Variants in MISP observed in about 807,000 individuals in gnomAD.
The protein encoded by MISP is mitotic spindle positioning, also known as mitotic interactor and substrate of PLK1.
Under a neutral mutation model 49.3 loss-of-function variants are expected in MISP, and 51 were observed. That is an observed-to-expected ratio of 1.03 (90% CI 0.83 to 1.31). The LOEUF (loss-of-function observed/expected upper bound fraction) is 1.31, where lower values mean the gene tolerates loss of function less well. MISP is among the 50% of genes most tolerant of loss of function. The pLI is 0.00. For missense variants in MISP, 1,084 were observed against 935.1 expected (o/e 1.16, Z -2.08); for synonymous variants, 444 against 392.6 (o/e 1.13, Z -1.55).
Position 758,136 on chromosome 19 carries a change from C to G in MISP, c.1190C>G (p.Ser397Cys), listed in dbSNP as rs756793190. ...CTCCGGAGAGCCCTCAGCTCAGATT[C>G]CATCCTCAGCCCGGCCCCAGATGCC... ...PGLRRALSSD[S>C]ILSPAPDARA... The change falls in exon 2 of 5, where the codon TCC becomes TGC. Residue 397 changes from serine (S) to cysteine (C), a missense_variant. By Grantham distance (112) the Ser-to-Cys change is moderately radical. Coordinates refer to ENST00000215582, the MANE Select transcript of MISP (RefSeq NM_173481.4). 25 of 1,610,870 alleles carry G rather than the reference C, an allele frequency of 1.6e-5. No individual in the cohort carries two copies. Among genetic ancestry groups the G allele is most frequent in the Middle Eastern group, 1.6e-4 (1 of 6,082 alleles).
At chr19:748,466 C>T (rs1173065887), upstream of MISP, 1 of 152,386 alleles carries the variant, frequency 6.6e-6, no homozygotes, top group East Asian at 1.9e-4. Context: ...TGCACCCGCT[C>T]ACCCTGAGCG....
Position 758,011 on chromosome 19 carries a change from A to C in MISP, c.1065A>C (p.Ile355=). The C allele has an allele frequency of 1.3e-6, 2 of 1,568,408 alleles. No homozygotes were observed. Among genetic ancestry groups the C allele is most frequent in the Non-Finnish European group, 1.7e-6 (2 of 1,160,724 alleles). The part of the protein sequence containing the change: ...GRPSLYVQRD[I]VQETQREEDH... ...CGTCCCTCTACGTGCAGCGGGACATAGTACAGGAGACACAGCGTGAGGAAG... is the reference window on the plus strand; with the variant it reads ...CGTCCCTCTACGTGCAGCGGGACATCGTACAGGAGACACAGCGTGAGGAAG... Residue 355 remains isoleucine, a synonymous_variant, in exon 2 of 5, where the codon ATA becomes ATC. Coordinates refer to ENST00000215582, the MANE Select transcript of MISP (RefSeq NM_173481.4).
intron 1 of MISP, among the ~76,000 whole-genome samples, chr19:752,553 A>G (rs1403705804): frequency 1.4e-5 from 2 of 140,102 alleles, no homozygotes; most frequent in African/African-American, 2.6e-5. Context: ...GGGGGTGGGC[A>G]CTGAGGCACA....
intron 1 of MISP, among the ~76,000 whole-genome samples, chr19:755,495 A>T (rs2033536126): frequency 1.3e-5 from 2 of 152,018 alleles, no homozygotes; most frequent in Admixed American, 1.3e-4. Flanking sequence ...CAGTTTCTCC[A>T]TTTGACATCC....
Position 757,179 on chromosome 19 carries a change from C to A in MISP, c.233C>A (p.Ser78Tyr). Residue 78 changes from serine (S) to tyrosine (Y), a missense_variant, in exon 2 of 5, where the codon TCC (serine) becomes TAC (tyrosine). Ser to Tyr is a moderately radical substitution (Grantham distance 144). Coordinates refer to ENST00000215582, the MANE Select transcript of MISP (RefSeq NM_173481.4). ...YSVHAYTGQP[S>Y]PRGLHSENRE... ...GTGCATGCCTACACTGGCCAGCCGT[C>A]CCCACGGGGGCTCCACTCGGAGAAC... 6.2e-7 allele frequency: 1 copy of A among 1,613,504 alleles called. No homozygotes were observed. The highest frequency in any genetic ancestry group is 8.5e-7 in the Non-Finnish European group (1 of 1,179,974).
rs2033707651 is a variant in MISP at position 763,521 on chromosome 19, G to C, written c.1971G>C (p.Val657=). The change falls in exon 5 of 5, where the codon GTG becomes GTC. Residue 657 remains valine, a synonymous_variant. Coordinates refer to ENST00000215582, the MANE Select transcript of MISP (RefSeq NM_173481.4). ...TGCAGGTCCTGGAAGCCATACGGGT[G>C]ACCCGTCACAAGAACGCCATGGCAG... ...INSEVLEAIR[V]TRHKNAMAER... is the part of the protein sequence containing the mutation. 1.2e-6 allele frequency: 2 copies of C among 1,613,962 alleles called. No homozygotes were observed. The highest frequency in any genetic ancestry group is 1.3e-5 in the African/African-American group (1 of 74,920).
intron 3 of MISP, 47 bp from the exon 4 acceptor site, chr19:761,578 C>T (rs376577300): frequency 4.1e-5 from 66 of 1,609,858 alleles, no homozygotes; most frequent in Admixed American, 1.5e-4. Context: ...GACTCTGCAC[C>T]GGGCAGGGCA....
At chr19:749,772 C>T (rs60419981), upstream of MISP, among the ~76,000 whole-genome samples, 4,693 of 151,984 alleles carry the variant, frequency 0.031, 388 homozygotes, top group East Asian at 0.34. Flanking sequence ...TGCCGTGAGC[C>T]GAGATCGTGC....
Position 757,232 on chromosome 19 carries a change from C to A in MISP, c.286C>A (p.Arg96Ser), listed in dbSNP as rs776345030. ...GGAGGATGAGGGTTGGCAGGTTTAC[C>A]GCCTGGGCGCCAGGGATGCCCACCA... ...NREDEGWQVY[R>S]LGARDAHQGR... Residue 96 changes from arginine (R) to serine (S), a missense_variant, in exon 2 of 5, where the codon CGC (arginine) becomes AGC (serine). Transcript: ENST00000215582. The A allele has an allele frequency of 1.2e-6, 2 of 1,613,812 alleles. No homozygotes were observed. Among genetic ancestry groups the A allele is most frequent in the African/African-American group, 1.3e-5 (1 of 75,056 alleles).
intron 2 of MISP, 151 bp from the exon 3 acceptor site, chr19:759,758 T>C: frequency 1.2e-6 from 1 of 819,656 alleles, no homozygotes; most frequent in East Asian, 2.8e-5. Context: ...TTCTCCTGAC[T>C]GGCTACTTTG....
At chr19:755,681 C>T (rs1372415736) in intron 1 of MISP, among the ~76,000 whole-genome samples, 2 of 152,254 alleles carry the variant, frequency 1.3e-5, no homozygotes, top group Non-Finnish European at 2.9e-5. Context: ...CCTGTAATTC[C>T]AGCACTTTGG....
intron 4 of MISP, 55 bp from the exon 5 acceptor site, chr19:763,446 A>G (rs1233652082): frequency 1.5e-6 from 2 of 1,306,590 alleles, no homozygotes; most frequent in African/African-American, 1.5e-5. Flanking sequence ...TGGAGGAGAC[A>G]TCTTGGGGGT....
chr19:750,092 C>T (rs1375269037), upstream of MISP, among the ~76,000 whole-genome samples: 2 of 152,014 alleles, frequency 1.3e-5, no homozygotes, highest in African/African-American at 2.4e-5. Flanking sequence ...GGCCTCTGCA[C>T]CTTGACTAAG....
chr19:755,052 T>A (rs1048225358), intron 1 of MISP, among the ~76,000 whole-genome samples: 2 of 150,116 alleles, frequency 1.3e-5, no homozygotes, highest in Admixed American at 1.3e-4. Flanking sequence ...GAGGGTCTGG[T>A]TTGGGGTAGA....
chr19:754,053 C>T (rs2033505368), intron 1 of MISP, among the ~76,000 whole-genome samples: 1 of 152,182 alleles, frequency 6.6e-6, no homozygotes. Flanking sequence ...CACGGTGGCT[C>T]ACGCCTGTAA....
In MISP at chr19:758,725, C is replaced by T. The variant is rs187115108; in HGVS notation, c.1779C>T (p.Ser593=). Residue 593 remains serine (S), a splice_region_variant and synonymous_variant, in exon 2 of 5, where the codon TCC becomes TCT. Coordinates refer to ENST00000215582, the MANE Select transcript of MISP (RefSeq NM_173481.4). ...DQNSRSSSQA[S]GITGSYSVSE... ...ACTCCAGGAGCTCCTCCCAGGCATC[C>T]GGTGAGAAGGGGCTCCAGGGAGTGG... 8.8e-5 allele frequency: 141 copies of T among 1,610,296 alleles called. No homozygotes were observed. Among genetic ancestry groups the T allele is most frequent in the East Asian group, 5.4e-4 (24 of 44,858 alleles).
chr19:757,511 G>A lies in MISP; in HGVS notation c.565G>A (p.Glu189Lys). 1.2e-6 allele frequency: 2 copies of A among 1,607,392 alleles called. No individual in the cohort carries two copies. The highest frequency in any genetic ancestry group is 8.5e-7 in the Non-Finnish European group (1 of 1,177,496). ...TPLEENVVDR[E>K]QIDFLAARQQ... is the part of the protein sequence containing the mutation. ...CCTGGAGGAGAACGTGGTTGACAGGGAGCAGATTGACTTCCTGGCAGCGAG... is the reference window on the plus strand; with the variant it reads ...CCTGGAGGAGAACGTGGTTGACAGGAAGCAGATTGACTTCCTGGCAGCGAG... Residue 189 changes from glutamate (E) to lysine (K), a missense_variant, in exon 2 of 5, where the codon GAG (glutamate) becomes AAG (lysine). Coordinates refer to ENST00000215582, the MANE Select transcript of MISP (RefSeq NM_173481.4).
rs2033605698 is a variant in MISP at position 758,217 on chromosome 19, C to T, written c.1271C>T (p.Ala424Val). 2 of 1,612,954 alleles carry T rather than the reference C, an allele frequency of 1.2e-6. No individual in the cohort carries two copies. Among genetic ancestry groups the T allele is most frequent in the Non-Finnish European group, 8.5e-7 (1 of 1,179,888 alleles). Reference sequence around the variant, plus strand: ...AAGGTGAACCGCATCCCACCTGATGCCTACCAGCCGTACCTGAGCCCCGGG... The same window carrying T: ...AAGGTGAACCGCATCCCACCTGATGTCTACCAGCCGTACCTGAGCCCCGGG... Reference protein sequence around the residue: ...VRKVNRIPPDAYQPYLSPGTP... With the variant: ...VRKVNRIPPDVYQPYLSPGTP... Residue 424 changes from alanine (A) to valine (V), a missense_variant, in exon 2 of 5, where the codon GCC becomes GTC. Coordinates refer to ENST00000215582, the MANE Select transcript of MISP (RefSeq NM_173481.4).
rs370944752 is a variant in MISP at position 758,638 on chromosome 19, G to A, written c.1692G>A (p.Glu564=). 10 of 1,614,144 alleles carry A rather than the reference G, an allele frequency of 6.2e-6. No individual in the cohort carries two copies. The highest frequency in any genetic ancestry group is 7.6e-6 in the Non-Finnish European group (9 of 1,180,058). ...VLRREQEVAE[E]RRNALFPEVF... ...GCCGGGAGCAAGAGGTGGCAGAGGA[G>A]CGGAGAAATGCTCTCTTCCCAGAGG... The change falls in exon 2 of 5, where the codon GAG becomes GAA. Residue 564 remains glutamate (E), a synonymous_variant. Transcript: ENST00000215582.
Sources: gnomAD v4.1 joint callset for allele counts (sites outside exome capture counted in the v4.1 genomes callset) on GRCh38, gnomAD v4.1.1 for gene constraint, MANE v1.5 for transcripts, NCBI Gene and HGNC (gene_info 2026-07-23, HGNC 2026-07-21) for gene names.